KAZN: variants seen among roughly 807,000 people sequenced by gnomAD.
KAZN encodes the protein kazrin, periplakin interacting protein.
Under a neutral mutation model 87.4 loss-of-function variants are expected in KAZN, and 40 were observed. That is an observed-to-expected ratio of 0.46 (90% CI 0.36 to 0.60). The LOEUF (loss-of-function observed/expected upper bound fraction) is 0.60. Among genes scored for constraint, KAZN ranks in the 20% least tolerant of loss-of-function variants. KAZN has a pLI of 0.00. For missense variants in KAZN, 898 were observed against 1,073.9 expected, an observed-to-expected ratio of 0.84 and a Z score of 2.29; for synonymous variants, 466 against 458.3, an observed-to-expected ratio of 1.02 and a Z score of -0.22.
chr1:14,836,222 A>C (rs535151609), intron 1 of KAZN, among the ~76,000 whole-genome samples: 32 of 152,264 alleles, frequency 2.1e-4, no homozygotes, highest in African/African-American at 7.5e-4. Context: ...GGCAGGACAG[A>C]GAGAGGGTGG....
At chr1:14,857,582 G>A (rs1432471292) in intron 1 of KAZN, among the ~76,000 whole-genome samples, 1 of 151,992 alleles carries the variant, frequency 6.6e-6, no homozygotes, top group Non-Finnish European at 1.5e-5. Context: ...TTTGAAAGGG[G>A]CCTCCTTGGA....
Position 15,094,916 on chromosome 1 carries a change from T to G in KAZN, c.1530T>G (p.Asp510Glu), listed in dbSNP as rs1017314466. The G allele has an allele frequency of 1.3e-6, 2 of 1,549,892 alleles. No homozygotes were observed. Among genetic ancestry groups the G allele is most frequent in the African/African-American group, 2.7e-5 (2 of 73,036 alleles). ...GCCTGGCCATCGAGGACTACCGTGA[T>G]GCCGAGGCAGGCCGCAGGTGAGCCC... ...KLRLAIEDYR[D>E]AEAGRSLSKA... The change falls in exon 10 of 15, where the codon GAT becomes GAG. Residue 510 changes from aspartate to glutamate, a missense_variant. By Grantham distance (45) the Asp-to-Glu change is conservative. Coordinates refer to ENST00000376030, the MANE Select transcript of KAZN (RefSeq NM_201628.3). This position sits in a 1 kb window ranked among gnomAD's most constrained non-coding sequence, Gnocchi z 4.5.
At chr1:14,560,811 T>C (rs1215858359) in intron 2 of KAZN, among the ~76,000 whole-genome samples, 1 of 152,048 alleles carries the variant, frequency 6.6e-6, no homozygotes, top group Admixed American at 6.6e-5. Flanking sequence ...AGAGAGGAGT[T>C]TCCATACTGG....
chr1:14,582,767 T>G (rs1008224852), intron 2 of KAZN, among the ~76,000 whole-genome samples: 3 of 152,210 alleles, frequency 2.0e-5, no homozygotes, highest in African/African-American at 7.2e-5. Context: ...ATGAGAGAAA[T>G]AAAACATAAT....
chr1:14,958,925 A>C (rs1572922182), intron 1 of KAZN, among the ~76,000 whole-genome samples: 1 of 152,262 alleles, frequency 6.6e-6, no homozygotes, highest in African/African-American at 2.4e-5. Flanking sequence ...TCGTCTGTTC[A>C]TTCTCGAGGG....
chr1:14,890,466 T>C (rs1035429884), intron 1 of KAZN, among the ~76,000 whole-genome samples: 1 of 152,016 alleles, frequency 6.6e-6, no homozygotes, highest in Non-Finnish European at 1.5e-5. Context: ...TGACATCCCC[T>C]AAAAGCTGAA....
intron 1 of KAZN, among the ~76,000 whole-genome samples, chr1:14,760,551 T>C (rs1644711303): frequency 6.6e-6 from 1 of 152,156 alleles, no homozygotes; most frequent in Non-Finnish European, 1.5e-5. Flanking sequence ...CTCTCCTTCG[T>C]CCCCTCCTGC....
intron 13 of KAZN, among the ~76,000 whole-genome samples, chr1:15,107,917 TG>T (rs1262710349): frequency 6.6e-6 from 1 of 152,198 alleles, no homozygotes; most frequent in East Asian, 1.9e-4. Flanking sequence ...GCAAATTGTA[TG>T]CAGCCTGCTT....
intron 1 of KAZN, among the ~76,000 whole-genome samples, chr1:14,706,509 A>C (rs555216897): frequency 6.6e-6 from 1 of 152,260 alleles, no homozygotes; most frequent in Admixed American, 6.5e-5. Context: ...AAAAATAAAG[A>C]TTTGAGATGA....
chr1:14,763,753 T>G (rs888058099), intron 1 of KAZN, among the ~76,000 whole-genome samples: 1 of 152,184 alleles, frequency 6.6e-6, no homozygotes, highest in East Asian at 1.9e-4. Flanking sequence ...TTTTATTTTA[T>G]GTTATTTTTT....
At chr1:14,500,778 A>G (rs1217018201) in intron 2 of KAZN, among the ~76,000 whole-genome samples, 1 of 152,180 alleles carries the variant, frequency 6.6e-6, no homozygotes, top group East Asian at 1.9e-4. Flanking sequence ...AAAATAAAAC[A>G]GATTATAAAT....
chr1:14,184,188 G>T lies in KAZN; in HGVS notation c.249+3596G>T, dbSNP rs1646257052. ...ACTCTCCGTTTTTCCTTCTGCCCTT[G>T]TCTCCTCTTCCCTTTTCTTTTTGCT... On this transcript the variant is annotated intron_variant, in intron 2 of 16. Transcript: ENST00000636203. The surrounding 1 kb of genome is among the most constrained non-coding windows in gnomAD (Gnocchi z 4.2). Among the ~76,000 whole-genome samples the T allele has an allele frequency of 6.6e-6, 1 of 151,946 alleles. No homozygotes were observed. Among genetic ancestry groups the T allele is most frequent in the South Asian group, 2.1e-4 (1 of 4,818 alleles).
chr1:14,952,497 T>C (rs1296614250), intron 1 of KAZN, among the ~76,000 whole-genome samples: 1 of 152,118 alleles, frequency 6.6e-6, no homozygotes, highest in Non-Finnish European at 1.5e-5. Context: ...ATTTAGATTT[T>C]TTTTTCTTGG....
intron 2 of KAZN, among the ~76,000 whole-genome samples, chr1:14,416,072 C>T (rs1445068203): frequency 2.0e-5 from 3 of 152,168 alleles, no homozygotes; most frequent in African/African-American, 7.2e-5. Context: ...AAAGGCACTG[C>T]TCTCCTGCTT....
chr1:14,677,777 G>A (rs867954862), intron 1 of KAZN, among the ~76,000 whole-genome samples: 18 of 152,226 alleles, frequency 1.2e-4, no homozygotes, highest in Middle Eastern at 3.4e-3. Context: ...GAATAGCCAG[G>A]GTCTGCACCA....
At chr1:14,688,134 C>T (rs2148777206) in intron 1 of KAZN, among the ~76,000 whole-genome samples, 1 of 152,332 alleles carries the variant, frequency 6.6e-6, no homozygotes, top group South Asian at 2.1e-4. Context: ...CTCCCCTCTG[C>T]TTTTACTGTC....
At chr1:14,296,434 G>A (rs1465882029) in intron 2 of KAZN, among the ~76,000 whole-genome samples, 1 of 152,110 alleles carries the variant, frequency 6.6e-6, no homozygotes, top group East Asian at 1.9e-4. Flanking sequence ...GCCAGCCTCA[G>A]TACATTTCTC....
chr1:14,166,775 C>G (rs16853662), intron 1 of KAZN, among the ~76,000 whole-genome samples: 22,115 of 152,172 alleles, frequency 0.15, 1,791 homozygotes, highest in East Asian at 0.33. Flanking sequence ...AGCCGTTCCT[C>G]TGGTTTTATT....
At chr1:14,304,997 A>C (rs1247885958) in intron 2 of KAZN, among the ~76,000 whole-genome samples, 5 of 152,020 alleles carry the variant, frequency 3.3e-5, no homozygotes, top group African/African-American at 1.2e-4. Flanking sequence ...CCTTTGAGAA[A>C]AGGATTCTCA....
Sources: gnomAD v4.1 joint callset for allele counts (sites outside exome capture counted in the v4.1 genomes callset) on GRCh38, gnomAD v4.1.1 for gene constraint, Gnocchi (gnomAD v3.1) non-coding constraint, MANE v1.5 for transcripts, NCBI Gene and HGNC (gene_info 2026-07-23, HGNC 2026-07-21) for gene names.